Variants in CASZ1 observed in about 807,000 individuals in gnomAD.
The protein encoded by CASZ1 is zinc finger protein castor homolog 1.
A neutral mutation model predicts 135.2 loss-of-function variants in CASZ1; 28 were observed. That is an observed-to-expected ratio of 0.21 (90% confidence interval 0.15 to 0.28). The LOEUF is 0.28. Among genes scored for constraint, CASZ1 ranks in the 10% least tolerant of loss-of-function variants. CASZ1 has a pLI of 1.00. For synonymous variants in CASZ1, 1,068 were observed against 1,073.4 expected, an observed-to-expected ratio of 0.99 and a Z score of 0.10; for missense variants, 2,161 against 2,453.3, an observed-to-expected ratio of 0.88 and a Z score of 2.52.
chr1:10,688,021 CATCA>C (rs1318092132), intron 4 of CASZ1, among the ~76,000 whole-genome samples: 3 of 152,216 alleles, frequency 2.0e-5, no homozygotes, highest in African/African-American at 7.2e-5. Flanking sequence ...GGAAGAGGCA[CATCA>C]ATCAATCAGT....
intron 4 of CASZ1, among the ~76,000 whole-genome samples, chr1:10,687,379 G>A (rs956066551): frequency 6.6e-6 from 1 of 152,248 alleles, no homozygotes; most frequent in Non-Finnish European, 1.5e-5. Flanking sequence ...GGTGTCAGCA[G>A]GTGAGTGATT....
chr1:10,795,133 C>T (rs1168792962), intron 1 of CASZ1, among the ~76,000 whole-genome samples: 1 of 152,120 alleles, frequency 6.6e-6, no homozygotes, highest in Non-Finnish European at 1.5e-5. Flanking sequence ...TCCGCCCGTC[C>T]GGCTCACCCC....
Position 10,639,616 on chromosome 1 carries a change from G to A in CASZ1, c.4606C>T (p.His1536Tyr). 6.2e-7 allele frequency: 1 copy of A among 1,610,068 alleles called. No homozygotes were observed. The highest frequency in any genetic ancestry group is 2.2e-5 in the East Asian group (1 of 44,782). Residue 1536 changes from histidine (H) to tyrosine (Y), a missense_variant, in exon 21 of 21, where the codon CAC (histidine) becomes TAC (tyrosine). Around this residue, in one of 7 missense-constraint regions of CASZ1, gnomAD observed 240 missense variants for 321.4 expected, o/e 0.75. Transcript: ENST00000377022. The surrounding 1 kb of genome is among the most constrained non-coding windows in gnomAD (Gnocchi z 4.0). ...CTGATCACGTCCTGTTTGCCGTGGT[G>A]CTTGCGATGCGCCGTGACCTTGGTG... Reference protein sequence around the residue: ...DSTKVTAHRKHHGKQDVISAA... With the variant: ...DSTKVTAHRKYHGKQDVISAA...
Position 10,762,881 on chromosome 1 carries a change from A to G in CASZ1, c.-233-2024T>C, listed in dbSNP as rs1215199478. 1.3e-5 allele frequency among the ~76,000 whole-genome samples: 2 copies of G among 152,190 alleles called. No homozygotes were observed. Among genetic ancestry groups the G allele is most frequent in the African/African-American group, 4.8e-5 (2 of 41,428 alleles). The stretch of plus-strand genomic sequence containing the variant: ...CAGAGGAGGTTCCAGCTATGGAAGG[A>G]AAGGGGGCTCCAGGCCCTGGTGGGA... On this transcript the variant is annotated intron_variant, in intron 1 of 20. Transcript: ENST00000377022. This position sits in a 1 kb window ranked among gnomAD's most constrained non-coding sequence, Gnocchi z 4.1.
intron 20 of CASZ1, chr1:10,642,185 AGGGGAGGGG>A (rs1557455027): frequency 1.2e-4 from 1 of 8,298 alleles, no homozygotes; most frequent in African/African-American, 4.2e-4. Flanking sequence ...GAGAAGAGGC[AGGGGAGGGG>A]GGGGAGGGGC....
chr1:10,667,126 C>A (rs1359807271), intron 4 of CASZ1, among the ~76,000 whole-genome samples: 1 of 152,236 alleles, frequency 6.6e-6, no homozygotes, highest in Non-Finnish European at 1.5e-5. Context: ...GAGAGGCCTA[C>A]CCAGGCGGGA....
chr1:10,784,699 G>T (rs1006228937), intron 1 of CASZ1, among the ~76,000 whole-genome samples: 15 of 152,154 alleles, frequency 9.9e-5, no homozygotes, highest in Admixed American at 5.2e-4. Flanking sequence ...GAGTAGCTGG[G>T]ACTACAGGCT....
chr1:10,755,611 C>T lies in CASZ1; in HGVS notation c.-77+5090G>A, dbSNP rs532062404. Among the ~76,000 whole-genome samples the T allele has an allele frequency of 2.6e-3, 396 of 152,128 alleles. 2 individuals carry two copies. The highest frequency in any genetic ancestry group is 8.0e-3 in the African/African-American group (334 of 41,510). On this transcript the variant is annotated intron_variant, in intron 2 of 20. Coordinates refer to ENST00000377022, the MANE Select transcript of CASZ1 (RefSeq NM_001079843.3). This position sits in a 1 kb window ranked among gnomAD's most constrained non-coding sequence, Gnocchi z 4.3. The stretch of plus-strand genomic sequence containing the variant: ...CCTGGGGCCCGTGCATGGCGAGATG[C>T]GGGGTTTTCCTGCATCTGCTCCGAA...
At chr1:10,775,145 C>G (rs375222468) in intron 1 of CASZ1, among the ~76,000 whole-genome samples, 1 of 152,166 alleles carries the variant, frequency 6.6e-6, no homozygotes, top group Non-Finnish European at 1.5e-5. Flanking sequence ...AACACTTGTT[C>G]GGTTCCCTAC....
Position 10,643,325 on chromosome 1 carries a change from C to A in CASZ1, c.3869-14G>T. 1 of 1,611,846 alleles carries A rather than the reference C, an allele frequency of 6.2e-7. No individual in the cohort carries two copies. ...TGTACTTGCAACCTGTGGACACAGC[C>A]CCACCTGGCATGAGCCCCCAGCTGG... On this transcript the variant is annotated splice_polypyrimidine_tract_variant and intron_variant, in intron 18 of 20. Transcript: ENST00000377022.
chr1:10,762,248 G>A lies in CASZ1; in HGVS notation c.-233-1391C>T, dbSNP rs1184010473. On this transcript the variant is annotated intron_variant, in intron 1 of 20. Transcript: ENST00000377022. This position sits in a 1 kb window ranked among gnomAD's most constrained non-coding sequence, Gnocchi z 4.1. Reference sequence around the variant, plus strand: ...TGGGGGAGGCCATCAGGGGTGGACAGCATCCACTGTCCAAGGCTTGGATCA... The same window carrying A: ...TGGGGGAGGCCATCAGGGGTGGACAACATCCACTGTCCAAGGCTTGGATCA... Among the ~76,000 whole-genome samples the A allele has an allele frequency of 6.6e-6, 1 of 151,860 alleles. No individual in the cohort carries two copies. The highest frequency in any genetic ancestry group is 2.4e-5 in the African/African-American group (1 of 41,366).
intron 2 of CASZ1, among the ~76,000 whole-genome samples, chr1:10,730,553 A>G (rs1639685109): frequency 6.6e-6 from 1 of 152,184 alleles, no homozygotes; most frequent in South Asian, 2.1e-4. Flanking sequence ...CTTTACCTGA[A>G]AGAGTGACTG....
chr1:10,760,900 C>G (rs1640360726), intron 1 of CASZ1, 43 bp from the exon 2 acceptor site: 3 of 152,228 alleles, frequency 2.0e-5, no homozygotes, highest in Admixed American at 2.0e-4. Context: ...GAGGCTACAA[C>G]CGACACCCAC....
chr1:10,775,558 T>G (rs1310396595), intron 1 of CASZ1, among the ~76,000 whole-genome samples: 3 of 152,038 alleles, frequency 2.0e-5, no homozygotes, highest in Non-Finnish European at 4.4e-5. Flanking sequence ...GCCTAGGTCT[T>G]TTTCCCTGGT....
chr1:10,728,163 G>A (rs765852860), intron 2 of CASZ1, among the ~76,000 whole-genome samples: 95 of 152,330 alleles, frequency 6.2e-4, no homozygotes, highest in Non-Finnish European at 2.6e-4. Context: ...GCACCAGGCC[G>A]CACACGGGAG....
At chr1:10,769,601 C>T (rs1640537819) in intron 1 of CASZ1, among the ~76,000 whole-genome samples, 1 of 152,258 alleles carries the variant, frequency 6.6e-6, no homozygotes, top group South Asian at 2.1e-4. Context: ...ACTGCAACCT[C>T]TGTTCCCCGG....
chr1:10,682,554 T>C (rs546862326), intron 4 of CASZ1, among the ~76,000 whole-genome samples: 1 of 152,256 alleles, frequency 6.6e-6, no homozygotes. Context: ...TAACACAAAA[T>C]GTCAGGGTTT....
rs1638961190 is a variant in CASZ1, at chr1:10,697,574, A to C, written c.-23-3662T>G. 6.6e-6 allele frequency among the ~76,000 whole-genome samples: 1 copy of C among 151,862 alleles called. No individual in the cohort carries two copies. The highest frequency in any genetic ancestry group is 2.4e-5 in the African/African-American group (1 of 41,282). On this transcript the variant is annotated intron_variant, in intron 3 of 20. Coordinates refer to ENST00000377022, the MANE Select transcript of CASZ1 (RefSeq NM_001079843.3). The surrounding 1 kb of genome is among the most constrained non-coding windows in gnomAD (Gnocchi z 4.7). ...CATCTGCCCTTCCTGTCACACTGCTATCGCTGGTTCCTGTTACCCCCCCCG... is the reference window on the plus strand; with the variant it reads ...CATCTGCCCTTCCTGTCACACTGCTCTCGCTGGTTCCTGTTACCCCCCCCG...
intron 15 of CASZ1, 50 bp from the exon 16 acceptor site, chr1:10,648,189 T>C (rs140850186): frequency 2.3e-6 from 3 of 1,313,764 alleles, no homozygotes; most frequent in Non-Finnish European, 3.1e-6. Context: ...AAGACAGGTG[T>C]GGAGGGGCAT....
Sources: allele counts gnomAD v4.1 joint callset (sites outside exome capture counted in the v4.1 genomes callset), GRCh38; gene constraint gnomAD v4.1.1; regional missense constraint gnomAD v4.1.1; non-coding constraint Gnocchi (gnomAD v3.1); transcripts MANE v1.5; gene names NCBI Gene and HGNC (gene_info 2026-07-23, HGNC 2026-07-21).